The following GABRA4 variants were observed in gnomAD, a reference collection of about 807,000 sequenced individuals.
GABRA4 encodes the protein gamma-aminobutyric acid type A receptor subunit alpha4.
Under a neutral mutation model 49.7 loss-of-function variants are expected in GABRA4, and 12 were observed. The ratio of observed to expected loss-of-function variants is 0.24; its 90% confidence interval spans 0.15 to 0.39. The LOEUF (loss-of-function observed/expected upper bound fraction) is 0.39, where lower values mean the gene tolerates loss of function less well. Ranked by LOEUF, GABRA4 falls within the 10% of genes least tolerant of loss-of-function variation. The pLI, the probability that GABRA4 is intolerant of heterozygous loss-of-function variation, is 1.00. For missense variants in GABRA4, 506 were observed against 686.0 expected, an observed-to-expected ratio of 0.74 and a Z score of 2.93; for synonymous variants, 288 against 240.2, an observed-to-expected ratio of 1.20 and a Z score of -1.84.
At position 46,928,037 on chromosome 4, in the gene GABRA4, G is replaced by GA. The variant is rs1007064546; in HGVS notation, c.*187dup. 72 of 522,842 alleles carry GA rather than the reference G, an allele frequency of 1.4e-4. No individual in the cohort carries two copies. The highest frequency in any genetic ancestry group is 4.8e-4 in the Admixed American group (13 of 26,978). 32.4% of individuals were successfully genotyped at this position (522,842 alleles called of 1,614,324 possible). On this transcript the variant is annotated 3_prime_UTR_variant, in exon 9 of 9. Transcript: ENST00000264318. Reference sequence around the variant, plus strand: ...TGAGTTCTTTTAAAATAATTTTTCTGAAAAAAAACATAGTTCACTTTTTCA... The same window carrying GA: ...TGAGTTCTTTTAAAATAATTTTTCTGAAAAAAAAACATAGTTCACTTTTTCA...
chr4:46,933,270 A>G (rs1721504211), intron 8 of GABRA4, among the ~76,000 whole-genome samples: 1 of 152,190 alleles, frequency 6.6e-6, no homozygotes, highest in Admixed American at 6.5e-5. Flanking sequence ...TAAAATGGAT[A>G]TCCTATAGAA....
rs1161017230 is a variant in GABRA4, at chr4:46,968,838, G to T, written c.874+2245C>A. On this transcript the variant is annotated intron_variant, in intron 7 of 8. Transcript: ENST00000264318. ...TACCTGTCATGTTGTAATCAATCAA[G>T]AAATAAATAAAAGGTTATCAAGTCA... 5.9e-5 allele frequency among the ~76,000 whole-genome samples: 9 copies of T among 151,460 alleles called. 1 individual carries two copies. In the South Asian group the frequency reaches 1.5e-3, roughly 25 times the overall value.
intron 8 of GABRA4, among the ~76,000 whole-genome samples, chr4:46,961,368 C>T (rs947252124): frequency 6.6e-6 from 1 of 151,822 alleles, no homozygotes; most frequent in Non-Finnish European, 1.5e-5. Context: ...CACTTCCTGT[C>T]CCCTTTAGTG....
intron 8 of GABRA4, among the ~76,000 whole-genome samples, chr4:46,950,320 C>T (rs568072787): frequency 1.3e-5 from 2 of 152,134 alleles, no homozygotes; most frequent in East Asian, 1.9e-4. Context: ...AAGTACGGCT[C>T]CAAGGTTTTG....
intron 8 of GABRA4, among the ~76,000 whole-genome samples, chr4:46,931,992 C>G (rs1560461794): frequency 6.6e-6 from 1 of 152,058 alleles, no homozygotes; most frequent in Non-Finnish European, 1.5e-5. Flanking sequence ...CCTGAAGTAT[C>G]ATTTTTTTTG....
intron 8 of GABRA4, among the ~76,000 whole-genome samples, chr4:46,941,702 T>G (rs752658549): frequency 6.6e-6 from 1 of 152,146 alleles, no homozygotes; most frequent in Non-Finnish European, 1.5e-5. Context: ...AGAGCCTGTA[T>G]TTTGTGCCAT....
chr4:46,925,622 G>A lies in GABRA4; in HGVS notation c.*2603C>T, dbSNP rs1721194032. 6.6e-6 allele frequency: 1 copy of A among 151,268 alleles called. No homozygotes were observed. The highest frequency in any genetic ancestry group is 2.1e-4 in the South Asian group (1 of 4,818). 9.4% of individuals were successfully genotyped at this position (151,268 alleles called of 1,614,324 possible). A position where few individuals can be genotyped will look rare whatever the true frequency, so the allele number is the denominator to read the frequency against. On this transcript the variant is annotated 3_prime_UTR_variant, in exon 9 of 9. Coordinates refer to ENST00000264318, the MANE Select transcript of GABRA4 (RefSeq NM_000809.4). Reference sequence around the variant, plus strand: ...CTTTGCAAAAGTGTTTTTACTTGATGTACCTCTGGGTTATTGGGAAGATAG... The same window carrying A: ...CTTTGCAAAAGTGTTTTTACTTGATATACCTCTGGGTTATTGGGAAGATAG...
intron 8 of GABRA4, among the ~76,000 whole-genome samples, chr4:46,940,474 T>C (rs1721751316): frequency 6.6e-6 from 1 of 152,134 alleles, no homozygotes; most frequent in African/African-American, 2.4e-5. Context: ...TACACATGTA[T>C]ATGTAGCAGA....
chr4:46,939,926 A>G (rs959945552), intron 8 of GABRA4, among the ~76,000 whole-genome samples: 3 of 152,040 alleles, frequency 2.0e-5, no homozygotes, highest in African/African-American at 7.2e-5. Context: ...AATACTTTGT[A>G]TCACAAATAT....
At chr4:46,954,671 C>T (rs758907615) in intron 8 of GABRA4, among the ~76,000 whole-genome samples, 1 of 152,008 alleles carries the variant, frequency 6.6e-6, no homozygotes, top group Non-Finnish European at 1.5e-5. Flanking sequence ...AATCTTGCCT[C>T]ACTTCATCAT....
chr4:46,941,564 T>A (rs1007889755), intron 8 of GABRA4, among the ~76,000 whole-genome samples: 1 of 152,168 alleles, frequency 6.6e-6, no homozygotes, highest in African/African-American at 2.4e-5. Flanking sequence ...GATCTGTAGA[T>A]GGCCCCTGTC....
intron 2 of GABRA4, among the ~76,000 whole-genome samples, chr4:46,988,576 C>T (rs966956852): frequency 1.3e-5 from 2 of 152,206 alleles, no homozygotes; most frequent in African/African-American, 4.8e-5. Context: ...ACACTGCAAA[C>T]ACAATTTGAT....
chr4:46,983,479 C>T (rs545461582), intron 2 of GABRA4, among the ~76,000 whole-genome samples: 1 of 152,142 alleles, frequency 6.6e-6, no homozygotes, highest in African/African-American at 2.4e-5. Context: ...CTAATATCAT[C>T]CCAGTAGTGA....
At position 46,974,373 on chromosome 4, in the gene GABRA4, C is replaced by A; in HGVS notation, c.580G>T (p.Ala194Ser). The part of the protein sequence containing the change: ...HACPLKFGSY[A>S]YPKSEMIYTW... ...TAGATCATCTCACTCTTTGGATAGG[C>A]ATCTAAAAGAGAGCACAGAATGTGG... The change falls in exon 6 of 9, where the codon GCC becomes TCC. Residue 194 changes from alanine (A) to serine (S), a missense_variant and splice_region_variant. Physicochemically the swap from Ala to Ser is moderately conservative, Grantham distance 99. Around this residue, in one of 5 missense-constraint regions of GABRA4, gnomAD observed 195 missense variants for 326.0 expected, o/e 0.60. Coordinates refer to ENST00000264318, the MANE Select transcript of GABRA4 (RefSeq NM_000809.4). The A allele has an allele frequency of 6.2e-7, 1 of 1,608,012 alleles. No individual in the cohort carries two copies. The highest frequency in any genetic ancestry group is 8.5e-7 in the Non-Finnish European group (1 of 1,176,782).
chr4:46,982,280 A>T (rs1264195344), intron 2 of GABRA4, among the ~76,000 whole-genome samples: 2 of 152,052 alleles, frequency 1.3e-5, no homozygotes, highest in Non-Finnish European at 2.9e-5. Flanking sequence ...ATATTTGGAG[A>T]TAGAATTTTT....
At chr4:46,941,598 G>C (rs1721799059) in intron 8 of GABRA4, among the ~76,000 whole-genome samples, 1 of 151,958 alleles carries the variant, frequency 6.6e-6, no homozygotes, top group Non-Finnish European at 1.5e-5. Context: ...CTATAGAATT[G>C]TCCATTATTT....
rs570360630 is a variant in GABRA4, at chr4:46,926,437, C to G, written c.*1788G>C. 6.6e-6 allele frequency: 1 copy of G among 151,944 alleles called. No individual in the cohort carries two copies. The highest frequency in any genetic ancestry group is 2.4e-5 in the African/African-American group (1 of 41,504). The allele number at this position is 151,944 out of a possible 1,614,324, so 9.4% of individuals were successfully genotyped here. A position where few individuals can be genotyped will look rare whatever the true frequency, so the allele number is the denominator to read the frequency against. On this transcript the variant is annotated 3_prime_UTR_variant, in exon 9 of 9. Coordinates refer to ENST00000264318, the MANE Select transcript of GABRA4 (RefSeq NM_000809.4). ...TGATTCTATGGAATACCTAGAAAGA[C>G]AGCCAAGAATGATTTCTCAGATATG... is the stretch of plus-strand genomic sequence containing the variant.
intron 8 of GABRA4, among the ~76,000 whole-genome samples, chr4:46,962,819 C>A (rs891004704): frequency 6.6e-6 from 1 of 151,726 alleles, no homozygotes; most frequent in Admixed American, 6.6e-5. Context: ...CTAAGCAAAC[C>A]CATTTTCAAC....
Position 46,920,265 on chromosome 4 carries a change from A to G in GABRA4, c.*7960T>C, listed in dbSNP as rs1419183747. The G allele has an allele frequency of 6.6e-6, 1 of 151,716 alleles. No individual in the cohort carries two copies. Among genetic ancestry groups the G allele is most frequent in the Non-Finnish European group, 1.5e-5 (1 of 67,644 alleles). The allele number at this position is 151,716 out of a possible 1,614,324, so 9.4% of individuals were successfully genotyped here. On this transcript the variant is annotated 3_prime_UTR_variant, in exon 9 of 9. Coordinates refer to ENST00000264318, the MANE Select transcript of GABRA4 (RefSeq NM_000809.4). Reference sequence around the variant, plus strand: ...ATACCCATGGAAATCTATAGTTTGCATATTAATTTGCCTTTGGAAATAATA... The same window carrying G: ...ATACCCATGGAAATCTATAGTTTGCGTATTAATTTGCCTTTGGAAATAATA...
Sources: allele counts gnomAD v4.1 joint callset (sites outside exome capture counted in the v4.1 genomes callset), GRCh38; gene constraint gnomAD v4.1.1; regional missense constraint gnomAD v4.1.1; transcripts MANE v1.5; gene names NCBI Gene and HGNC (gene_info 2026-07-23, HGNC 2026-07-21).